SPOCK3: variants seen among roughly 807,000 people sequenced by gnomAD.
SPOCK3 encodes the protein SPARC (osteonectin), cwcv and kazal like domains proteoglycan 3.
A neutral mutation model predicts 56.6 loss-of-function variants in SPOCK3; 30 were observed. The ratio of observed to expected loss-of-function variants is 0.53; its 90% CI spans 0.40 to 0.72. The LOEUF is 0.72. Ranked by LOEUF, SPOCK3 falls within the 30% of genes least tolerant of loss-of-function variation. The probability of loss-of-function intolerance (pLI) is 0.00; values close to 1 mark genes in which losing one functional copy is unlikely to be tolerated. For missense variants in SPOCK3, 527 were observed against 530.0 expected (o/e 0.99, Z 0.06); for synonymous variants, 196 against 183.3 (o/e 1.07, Z -0.56).
chr4:167,058,019 T>C (rs536526767), intron 3 of SPOCK3, among the ~76,000 whole-genome samples: 1 of 152,228 alleles, frequency 6.6e-6, no homozygotes, highest in East Asian at 1.9e-4. Flanking sequence ...TATTCCAAAA[T>C]TGACCACATA....
intron 10 of SPOCK3, among the ~76,000 whole-genome samples, chr4:166,735,821 T>C (rs2126341536): frequency 6.6e-6 from 1 of 152,182 alleles, no homozygotes; most frequent in East Asian, 1.9e-4. Context: ...GTGAGACCTG[T>C]GTTGATCTTC....
chr4:166,862,921 A>T (rs1317581163), intron 6 of SPOCK3, among the ~76,000 whole-genome samples: 1 of 152,096 alleles, frequency 6.6e-6, no homozygotes, highest in East Asian at 1.9e-4. Context: ...TACCACTAAG[A>T]TAATCCTCAA....
intron 6 of SPOCK3, among the ~76,000 whole-genome samples, chr4:166,885,408 C>A (rs1734087219): frequency 6.6e-6 from 1 of 151,772 alleles, no homozygotes; most frequent in South Asian, 2.1e-4. Context: ...AATGTTAACT[C>A]TTTGCTCAAG....
At chr4:166,895,079 C>T (rs1282177716) in intron 5 of SPOCK3, among the ~76,000 whole-genome samples, 1 of 151,946 alleles carries the variant, frequency 6.6e-6, no homozygotes, top group Non-Finnish European at 1.5e-5. Flanking sequence ...CTTTGTCATT[C>T]AAATCAAAAT....
chr4:166,789,208 T>C (rs1741065206), intron 7 of SPOCK3, among the ~76,000 whole-genome samples: 4 of 151,984 alleles, frequency 2.6e-5, no homozygotes, highest in Admixed American at 6.6e-5. Flanking sequence ...GGCGGGCAGA[T>C]CACCTGAGGT....
chr4:166,823,375 T>C (rs1745134177), intron 6 of SPOCK3, among the ~76,000 whole-genome samples: 1 of 151,964 alleles, frequency 6.6e-6, no homozygotes, highest in African/African-American at 2.4e-5. Context: ...ACATGAAAAG[T>C]TGACTGATGT....
chr4:166,913,387 A>C (rs1737484990), intron 4 of SPOCK3, among the ~76,000 whole-genome samples: 1 of 152,120 alleles, frequency 6.6e-6, no homozygotes, highest in Admixed American at 6.6e-5. Context: ...ACTTTGGTTA[A>C]ATTGCTTTAT....
At chr4:166,836,688 A>T (rs1397194757) in intron 6 of SPOCK3, among the ~76,000 whole-genome samples, 2 of 152,026 alleles carry the variant, frequency 1.3e-5, no homozygotes, top group African/African-American at 4.8e-5. Context: ...CTGGCACTCC[A>T]TTCCTGAAAA....
At chr4:167,106,424 C>G (rs1285855733) in intron 2 of SPOCK3, among the ~76,000 whole-genome samples, 1 of 151,638 alleles carries the variant, frequency 6.6e-6, no homozygotes, top group Non-Finnish European at 1.5e-5. Flanking sequence ...AATTTGAAAA[C>G]TTTATTGAAA....
intron 6 of SPOCK3, among the ~76,000 whole-genome samples, chr4:166,879,632 T>C (rs1382277463): frequency 6.6e-6 from 1 of 152,234 alleles, no homozygotes; most frequent in Non-Finnish European, 1.5e-5. Flanking sequence ...CCTCATATTT[T>C]ACATTTGTAC....
intron 6 of SPOCK3, among the ~76,000 whole-genome samples, chr4:166,811,772 C>T (rs1261717465): frequency 2.0e-5 from 3 of 151,808 alleles, no homozygotes; most frequent in Non-Finnish European, 2.9e-5. Flanking sequence ...AAAATTACCT[C>T]ATTTAATTTT....
At position 166,831,243 on chromosome 4, in the gene SPOCK3, T is replaced by C. The variant is rs116225060; in HGVS notation, c.590-38954A>G. Among the ~76,000 whole-genome samples the C allele has an allele frequency of 3.3e-3, 507 of 152,328 alleles. 5 individuals are homozygous for C. Among genetic ancestry groups the C allele is most frequent in the African/African-American group, 0.012 (498 of 41,590 alleles). On this transcript the variant is annotated intron_variant, in intron 6 of 10. Coordinates refer to ENST00000357545, the MANE Select transcript of SPOCK3 (RefSeq NM_001040159.2). Reference sequence around the variant, plus strand: ...TTTTGCTTATTAATGTTTGTAGCTTTCATTTAACATAGTAAGTTGTGTCAA... The same window carrying C: ...TTTTGCTTATTAATGTTTGTAGCTTCCATTTAACATAGTAAGTTGTGTCAA...
chr4:166,924,108 G>C (rs1489901532), intron 4 of SPOCK3, among the ~76,000 whole-genome samples: 1 of 152,142 alleles, frequency 6.6e-6, no homozygotes, highest in Non-Finnish European at 1.5e-5. Context: ...CCCGTTAAAA[G>C]CCAGTCAGTT....
intron 6 of SPOCK3, among the ~76,000 whole-genome samples, chr4:166,814,397 C>T (rs774297128): frequency 2.6e-5 from 4 of 152,020 alleles, no homozygotes; most frequent in Admixed American, 1.3e-4. Flanking sequence ...AGGAGTTTGA[C>T]ATTTGAATCA....
At position 167,027,772 on chromosome 4, in the gene SPOCK3, C is replaced by A. The variant is rs1432936207; in HGVS notation, c.236-27309G>T. Among the ~76,000 whole-genome samples, 6 of 151,888 alleles carry A rather than the reference C, an allele frequency of 4.0e-5. No homozygotes were observed. The South Asian group carries it at 6.2e-4, about 16-fold the overall frequency. The stretch of plus-strand genomic sequence containing the variant: ...AGTGGAAGTGGATCATCATAAAAAT[C>A]TTTCTTTATTCTCGTTGTCTTCAAG... On this transcript the variant is annotated intron_variant, in intron 3 of 10. Transcript: ENST00000357545.
At chr4:167,177,999 T>C (rs1428573685) in intron 2 of SPOCK3, among the ~76,000 whole-genome samples, 4 of 152,174 alleles carry the variant, frequency 2.6e-5, no homozygotes, top group African/African-American at 9.7e-5. Context: ...TCAGGAAGTT[T>C]CAATAACTCA....
At chr4:166,762,000 C>T (rs1737303198) in intron 7 of SPOCK3, among the ~76,000 whole-genome samples, 2 of 151,284 alleles carry the variant, frequency 1.3e-5, no homozygotes, top group South Asian at 4.2e-4. Flanking sequence ...ATTTAATGCT[C>T]ATATCTGTGA....
intron 2 of SPOCK3, among the ~76,000 whole-genome samples, chr4:167,146,208 CAAAG>C (rs1763940212): frequency 6.6e-6 from 1 of 151,968 alleles, no homozygotes; most frequent in African/African-American, 2.4e-5. Flanking sequence ...TCAAAAGAGA[CAAAG>C]AAGGGCATTA....
chr4:166,893,154 C>G (rs1384750810), intron 5 of SPOCK3, among the ~76,000 whole-genome samples: 1 of 151,984 alleles, frequency 6.6e-6, no homozygotes, highest in Non-Finnish European at 1.5e-5. Context: ...AAGGACAACC[C>G]CCCTGCCAGA....
Sources: allele counts gnomAD v4.1 joint callset (sites outside exome capture counted in the v4.1 genomes callset), GRCh38; gene constraint gnomAD v4.1.1; transcripts MANE v1.5; gene names NCBI Gene and HGNC (gene_info 2026-07-23, HGNC 2026-07-21).